The following CTNNA2 variants were observed in gnomAD, a reference collection of about 807,000 sequenced individuals.
CTNNA2 encodes the protein catenin alpha 2.
In CTNNA2, 42 loss-of-function variants were observed where a neutral mutation model predicts 101.0. The observed-to-expected ratio is 0.42, with a 90% confidence interval of 0.32 to 0.54. The LOEUF is 0.54. Ranked by LOEUF, CTNNA2 falls within the 20% of genes least tolerant of loss-of-function variation. The pLI is 0.14. For synonymous variants in CTNNA2, 450 were observed against 456.4 expected (o/e 0.99, Z 0.18); for missense variants, 871 against 1,223.1 (o/e 0.71, Z 4.29).
intron 4 of CTNNA2, among the ~76,000 whole-genome samples, chr2:79,417,701 A>G (rs1478494102): frequency 6.6e-6 from 1 of 152,146 alleles, no homozygotes; most frequent in Non-Finnish European, 1.5e-5. Flanking sequence ...CTGTTTTGGC[A>G]GATTCTACTA....
intron 1 of CTNNA2, among the ~76,000 whole-genome samples, chr2:79,635,755 C>T (rs1411308821): frequency 1.3e-5 from 2 of 151,412 alleles, no homozygotes; most frequent in South Asian, 2.1e-4. Flanking sequence ...CTGCCTGCCT[C>T]GGCCTCCCTA....
chr2:79,462,627 A>G (rs535257710), intron 4 of CTNNA2, among the ~76,000 whole-genome samples: 2 of 152,362 alleles, frequency 1.3e-5, no homozygotes, highest in Admixed American at 6.5e-5. Flanking sequence ...TGCAGTGTCT[A>G]TAGTACCTAG....
intron 1 of CTNNA2, among the ~76,000 whole-genome samples, chr2:79,570,019 G>C (rs1344538628): frequency 6.6e-6 from 1 of 152,124 alleles, no homozygotes; most frequent in Non-Finnish European, 1.5e-5. Context: ...ATAATATTTA[G>C]AGAATTTATT....
intron 2 of CTNNA2, among the ~76,000 whole-genome samples, chr2:79,736,576 C>T (rs1670892359): frequency 6.6e-6 from 1 of 152,138 alleles, no homozygotes; most frequent in Admixed American, 6.6e-5. Context: ...TCAGTTGCTG[C>T]TGGAATAAAT....
At chr2:80,531,529 G>T (rs912999213) in intron 9 of CTNNA2, among the ~76,000 whole-genome samples, 5 of 152,236 alleles carry the variant, frequency 3.3e-5, no homozygotes, top group Non-Finnish European at 7.3e-5. Flanking sequence ...AGGTAAGCCA[G>T]ATGGCAGTAC....
At chr2:79,919,165 C>T (rs981704881) in intron 7 of CTNNA2, among the ~76,000 whole-genome samples, 1 of 152,222 alleles carries the variant, frequency 6.6e-6, no homozygotes, top group South Asian at 2.1e-4. Flanking sequence ...GAGTGTCTGG[C>T]CTTTGCTGTT....
intron 7 of CTNNA2, among the ~76,000 whole-genome samples, chr2:79,978,999 T>G (rs1467156498): frequency 6.6e-6 from 1 of 152,182 alleles, no homozygotes; most frequent in Non-Finnish European, 1.5e-5. Flanking sequence ...CATCAGATTT[T>G]AATTCAAGGA....
At chr2:79,427,092 G>T (rs1678599198) in intron 4 of CTNNA2, among the ~76,000 whole-genome samples, 1 of 151,646 alleles carries the variant, frequency 6.6e-6, no homozygotes, top group Non-Finnish European at 1.5e-5. Context: ...TTTTTAACAT[G>T]AAATGAAGAT....
intron 7 of CTNNA2, among the ~76,000 whole-genome samples, chr2:79,913,399 G>A (rs1558636064): frequency 6.6e-6 from 1 of 152,292 alleles, no homozygotes; most frequent in East Asian, 1.9e-4. Context: ...GTGAGTAGAG[G>A]GGTAGCAGGA....
intron 3 of CTNNA2, among the ~76,000 whole-genome samples, chr2:79,349,285 T>C (rs2104436845): frequency 6.6e-6 from 1 of 152,324 alleles, no homozygotes; most frequent in South Asian, 2.1e-4. Flanking sequence ...CAAATAGTTA[T>C]TAGGTATCTC....
At chr2:79,251,177 C>T (rs1193361253) in intron 2 of CTNNA2, among the ~76,000 whole-genome samples, 1 of 152,148 alleles carries the variant, frequency 6.6e-6, no homozygotes, top group Non-Finnish European at 1.5e-5. Flanking sequence ...ATGTGGTCAG[C>T]AAGAGGAGTG....
intron 6 of CTNNA2, among the ~76,000 whole-genome samples, chr2:79,884,751 CT>C (rs375184305): frequency 0.032 from 4,418 of 138,366 alleles, 117 homozygotes; most frequent in African/African-American, 0.075. Flanking sequence ...TTTAAATATG[CT>C]TTTTTTTTTT....
chr2:79,766,250 A>G (rs892563073), intron 3 of CTNNA2, among the ~76,000 whole-genome samples: 27 of 152,218 alleles, frequency 1.8e-4, no homozygotes, highest in African/African-American at 6.3e-4. Flanking sequence ...GTCTGTCTGG[A>G]AAATTCTTTA....
intron 7 of CTNNA2, among the ~76,000 whole-genome samples, chr2:80,373,696 CT>C (rs1424163895): frequency 6.6e-6 from 1 of 152,144 alleles, no homozygotes; most frequent in Non-Finnish European, 1.5e-5. Context: ...AGATGTAAGA[CT>C]CTAGAAGGAG....
chr2:80,427,965 A>G (rs973915689), intron 9 of CTNNA2, among the ~76,000 whole-genome samples: 5 of 152,262 alleles, frequency 3.3e-5, no homozygotes, highest in Admixed American at 3.3e-4. Context: ...AGGCAGAACT[A>G]TGTGCTGTAG....
At chr2:80,235,196 G>T (rs1023774233) in intron 7 of CTNNA2, among the ~76,000 whole-genome samples, 5 of 152,028 alleles carry the variant, frequency 3.3e-5, no homozygotes, top group Admixed American at 1.3e-4. Flanking sequence ...ATGCATATAT[G>T]AAAGTAAGTT....
At chr2:79,465,848 C>T (rs945962496) in intron 4 of CTNNA2, among the ~76,000 whole-genome samples, 1 of 152,162 alleles carries the variant, frequency 6.6e-6, no homozygotes, top group Non-Finnish European at 1.5e-5. Context: ...TGAGACTTTG[C>T]TGAATTTGCT....
chr2:80,225,919 A>G (rs990032600), intron 7 of CTNNA2, among the ~76,000 whole-genome samples: 2 of 152,216 alleles, frequency 1.3e-5, no homozygotes, highest in African/African-American at 4.8e-5. Context: ...TATAACAACC[A>G]AAAATACTGA....
At chr2:79,584,271 A>T (rs888909963) in intron 1 of CTNNA2, among the ~76,000 whole-genome samples, 1 of 152,160 alleles carries the variant, frequency 6.6e-6, no homozygotes, top group African/African-American at 2.4e-5. Flanking sequence ...TATGGTTCAT[A>T]AAAAGAGGTT....
Sources: gnomAD v4.1 joint callset for allele counts (sites outside exome capture counted in the v4.1 genomes callset) on GRCh38, gnomAD v4.1.1 for gene constraint, MANE v1.5 for transcripts, NCBI Gene and HGNC (gene_info 2026-07-23, HGNC 2026-07-21) for gene names.